The following MAOA variants were observed in gnomAD, a reference collection of about 807,000 sequenced individuals.
The protein encoded by MAOA is amine oxidase [flavin-containing] A.
A neutral mutation model predicts 42.0 loss-of-function variants in MAOA; 6 were observed. That is an observed-to-expected ratio of 0.14 (90% confidence interval 0.08 to 0.28). The LOEUF (loss-of-function observed/expected upper bound fraction) is 0.28, where lower values mean the gene tolerates loss of function less well. MAOA is among the 10% of genes least tolerant of loss of function. The pLI is 1.00. For synonymous variants in MAOA, 140 were observed against 154.0 expected (o/e 0.91, Z 0.67); for missense variants, 262 against 422.3 (o/e 0.62, Z 3.33).
chrX:43,661,625 A>G (rs960674290), intron 1 of MAOA, among the ~76,000 whole-genome samples: 2 of 111,276 alleles, frequency 1.8e-5, no homozygotes, highest in African/African-American at 6.5e-5. Context: ...CCTGGTAGCT[A>G]TTGAGATGAG....
At chrX:43,667,118 A>G (rs1489764351) in intron 1 of MAOA, among the ~76,000 whole-genome samples, 3 of 110,121 alleles carry the variant, frequency 2.7e-5, no homozygotes, top group South Asian at 3.9e-4. Context: ...GTGCACATGT[A>G]CCCTAGAACT....
chrX:43,743,836 A>G lies in MAOA; in HGVS notation c.1305A>G (p.Thr435=), dbSNP rs1040723683. 1 of 1,173,238 alleles carries G rather than the reference A, an allele frequency of 8.5e-7. No homozygotes were observed. Among genetic ancestry groups the G allele is most frequent in the Non-Finnish European group, 1.1e-6 (1 of 875,581 alleles). Residue 435 remains threonine, a synonymous_variant, in exon 13 of 15, where the codon ACA becomes ACG. Coordinates refer to ENST00000338702, the MANE Select transcript of MAOA (RefSeq NM_000240.4). ...TGGGCAGGATTTTCTTTGCGGGCAC[A>G]GAGACTGCCACAAAGTGGAGCGGCT... ...QPVGRIFFAG[T]ETATKWSGYM...
chrX:43,731,269 A>G lies in MAOA; in HGVS notation c.674A>G (p.Gln225Arg), dbSNP rs1181634890. 3.3e-6 allele frequency: 4 copies of G among 1,208,795 alleles called. No homozygotes were observed. In the African/African-American group the frequency reaches 5.2e-5, roughly 16 times the overall value. The change falls in exon 7 of 15, where the codon CAA becomes CGA. Residue 225 changes from glutamine (Q) to arginine (R), a missense_variant. Physicochemically the swap from Gln to Arg is conservative, Grantham distance 43. Coordinates refer to ENST00000338702, the MANE Select transcript of MAOA (RefSeq NM_000240.4). ...CGGAAGTTTGTAGGTGGATCTGGTC[A>G]AGTGAGCGAACGGATAATGGACCTC... is the stretch of plus-strand genomic sequence containing the variant. ...QERKFVGGSG[Q>R]VSERIMDLLG...
intron 3 of MAOA, among the ~76,000 whole-genome samples, chrX:43,708,829 A>AT (rs1392057086): frequency 2.8e-5 from 3 of 105,915 alleles, no homozygotes; most frequent in Non-Finnish European, 5.8e-5. Context: ...TGCCCGGCTG[A>AT]TTTTTTGTAT....
Position 43,707,191 on chromosome X carries a change from G to A in MAOA, c.307-4681G>A, listed in dbSNP as rs780470476. On this transcript the variant is annotated intron_variant, in intron 3 of 14. Transcript: ENST00000338702. Reference sequence around the variant, plus strand: ...AAAGGCTAAGGATCAGACTCTGGGGGATTCAGTGGATCATAGAAGGAGGGG... The same window carrying A: ...AAAGGCTAAGGATCAGACTCTGGGGAATTCAGTGGATCATAGAAGGAGGGG... Among the ~76,000 whole-genome samples the A allele has an allele frequency of 9.9e-5, 11 of 111,427 alleles. No individual in the cohort carries two copies. In the East Asian group the frequency reaches 1.7e-3, roughly 17 times the overall value.
chrX:43,675,734 C>T (rs1317649476), intron 1 of MAOA, among the ~76,000 whole-genome samples: 1 of 112,302 alleles, frequency 8.9e-6, no homozygotes, highest in Non-Finnish European at 1.9e-5. Flanking sequence ...TGGGTATCAG[C>T]AGCAGTGGCT....
intron 3 of MAOA, among the ~76,000 whole-genome samples, chrX:43,697,217 C>T (rs2033587255): frequency 8.9e-6 from 1 of 112,286 alleles, no homozygotes; most frequent in African/African-American, 3.2e-5. Context: ...CTTGCTAGTC[C>T]AGATTCTACT....
rs745382831 is a variant in MAOA at position 43,675,261 on chromosome X, G to A, written c.74-8252G>A. Among the ~76,000 whole-genome samples the A allele has an allele frequency of 5.2e-3, 584 of 111,558 alleles. 3 individuals are homozygous for A. The highest frequency in any genetic ancestry group is 0.018 in the African/African-American group (541 of 30,683). ...CTCCTGAGGCTTCTGCATTCTTCAC[G>A]TAGTTCTCGAGCCTTGGCTTTCAGC... On this transcript the variant is annotated intron_variant, in intron 1 of 14. Transcript: ENST00000338702.
At chrX:43,686,405 C>G (rs1038355295) in intron 2 of MAOA, among the ~76,000 whole-genome samples, 4 of 112,285 alleles carry the variant, frequency 3.6e-5, no homozygotes, top group Non-Finnish European at 7.5e-5. Flanking sequence ...ACATTACACC[C>G]CCCTTAGGAA....
At chrX:43,742,509 A>T (rs1171011525) in intron 12 of MAOA, among the ~76,000 whole-genome samples, 2 of 112,654 alleles carry the variant, frequency 1.8e-5, no homozygotes, top group Non-Finnish European at 3.8e-5. Context: ...TGAGGAAATG[A>T]CATCCACGTG....
At position 43,730,038 on chromosome X, in the gene MAOA, A is replaced by G. The variant is rs144911000; in HGVS notation, c.646-1203A>G. The stretch of plus-strand genomic sequence containing the variant: ...ATGAAACCCCATTTCTGCTAAAAAT[A>G]CAAAAATTAGCCAGGTGTCATGGCA... On this transcript the variant is annotated intron_variant, in intron 6 of 14. Coordinates refer to ENST00000338702, the MANE Select transcript of MAOA (RefSeq NM_000240.4). Among the ~76,000 whole-genome samples, 584 of 109,294 alleles carry G rather than the reference A, an allele frequency of 5.3e-3. 3 individuals carry two copies. Among genetic ancestry groups the G allele is most frequent in the African/African-American group, 0.018 (538 of 29,961 alleles). The allele number at this position is 109,294 out of a possible 115,157, so 94.9% of individuals were successfully genotyped here. A position where few individuals can be genotyped will look rare whatever the true frequency, so the allele number is the denominator to read the frequency against.
intron 3 of MAOA, among the ~76,000 whole-genome samples, 172 bp downstream of exon 3, chrX:43,693,600 A>T (rs1569194324): frequency 9.0e-6 from 1 of 110,980 alleles, no homozygotes; most frequent in Non-Finnish European, 1.9e-5. Context: ...CTTTTGAAAA[A>T]AATCTCTAAA....
rs545558020 is a variant in MAOA, at chrX:43,696,210, G to A, written c.306+2782G>A. 9.0e-5 allele frequency among the ~76,000 whole-genome samples: 10 copies of A among 111,466 alleles called. No homozygotes were observed. The East Asian group carries it at 1.1e-3, about 13-fold the overall frequency. On this transcript the variant is annotated intron_variant, in intron 3 of 14. Coordinates refer to ENST00000338702, the MANE Select transcript of MAOA (RefSeq NM_000240.4). The stretch of plus-strand genomic sequence containing the variant: ...GATTTTGTTGCTGCTGCTGAGTCCC[G>A]CTGTAAGGTTAGGTCCACACTACCC...
chrX:43,705,355 A>G (rs2033651825), intron 3 of MAOA, among the ~76,000 whole-genome samples: 3 of 112,330 alleles, frequency 2.7e-5, no homozygotes, highest in Admixed American at 9.5e-5. Flanking sequence ...GGGTAGCAAG[A>G]CAACTCAGTG....
At position 43,744,700 on chromosome X, in the gene MAOA, A is replaced by C; in HGVS notation, c.*187A>C. On this transcript the variant is annotated 3_prime_UTR_variant, in exon 15 of 15. Coordinates refer to ENST00000338702, the MANE Select transcript of MAOA (RefSeq NM_000240.4). ...TCACCTAATTAATTTCAGTAAGATC[A>C]AGCTCCATCTTATTTGTCAGTGTAG... 2.1e-6 allele frequency: 1 copy of C among 476,419 alleles called. No individual in the cohort carries two copies. The highest frequency in any genetic ancestry group is 3.1e-5 in the South Asian group (1 of 32,276). The allele number at this position is 476,419 out of a possible 1,213,427, so 39.3% of individuals were successfully genotyped here.
At chrX:43,693,214 T>G in intron 2 of MAOA, 77 bp from the exon 3 acceptor site, 1 of 1,004,754 alleles carries the variant, frequency 1.0e-6, no homozygotes, top group East Asian at 3.1e-5. Context: ...AAAAAATAAA[T>G]GGGGTTATTT....
intron 2 of MAOA, among the ~76,000 whole-genome samples, chrX:43,687,916 C>G (rs2033500108): frequency 8.9e-6 from 1 of 112,917 alleles, no homozygotes; most frequent in Admixed American, 9.3e-5. Flanking sequence ...CTGGTGGGAG[C>G]CACCATTATA....
chrX:43,656,371 G>A lies in MAOA; in HGVS notation c.30G>A (p.Ala10=), dbSNP rs1347324620. The A allele has an allele frequency of 5.0e-6, 6 of 1,210,211 alleles. No individual in the cohort carries two copies. Among genetic ancestry groups the A allele is most frequent in the Non-Finnish European group, 5.6e-6 (5 of 895,091 alleles). Reference sequence around the variant, plus strand: ...AGAATCAAGAGAAGGCGAGTATCGCGGGCCACATGTTCGACGTAGTCGTGA... The same window carrying A: ...AGAATCAAGAGAAGGCGAGTATCGCAGGCCACATGTTCGACGTAGTCGTGA... The part of the protein sequence containing the change: MENQEKASI[A]GHMFDVVVIG... The change falls in exon 1 of 15, where the codon GCG becomes GCA. Residue 10 remains alanine, a synonymous_variant. Transcript: ENST00000338702.
intron 12 of MAOA, among the ~76,000 whole-genome samples, chrX:43,743,108 G>T (rs1181149661): frequency 9.0e-6 from 1 of 110,652 alleles, no homozygotes; most frequent in African/African-American, 3.3e-5. Context: ...CATGCAGCTT[G>T]GGAGAGTTCA....
Sources: allele counts gnomAD v4.1 joint callset (sites outside exome capture counted in the v4.1 genomes callset), GRCh38; gene constraint gnomAD v4.1.1; transcripts MANE v1.5; gene names NCBI Gene and HGNC (gene_info 2026-07-23, HGNC 2026-07-21).